Variants in ENTHD1 observed in about 807,000 individuals in gnomAD.
ENTHD1 encodes the protein ENTH domain-containing protein 1.
In ENTHD1, 23 loss-of-function variants were observed where a neutral mutation model predicts 39.1. The observed-to-expected ratio is 0.59, with a 90% CI of 0.42 to 0.83. The LOEUF (loss-of-function observed/expected upper bound fraction) is 0.83. ENTHD1 is among the 40% of genes least tolerant of loss of function. The pLI is 0.00. For synonymous variants in ENTHD1, 230 were observed against 258.2 expected (o/e 0.89, Z 1.05); for missense variants, 624 against 705.4 (o/e 0.88, Z 1.31).
At chr22:39,862,928 C>T (rs1269540369) in intron 2 of ENTHD1, among the ~76,000 whole-genome samples, 1 of 152,168 alleles carries the variant, frequency 6.6e-6, no homozygotes, top group Non-Finnish European at 1.5e-5. Context: ...AGGCTTCCCA[C>T]AGCATTTGTC....
intron 4 of ENTHD1, among the ~76,000 whole-genome samples, chr22:39,833,022 G>A (rs1164133383): frequency 2.6e-5 from 4 of 152,118 alleles, no homozygotes; most frequent in Non-Finnish European, 2.9e-5. Context: ...GGGCGACTGG[G>A]GTAGGCTTGG....
chr22:39,778,438 C>T (rs988614349), intron 5 of ENTHD1, among the ~76,000 whole-genome samples: 1 of 152,170 alleles, frequency 6.6e-6, no homozygotes, highest in African/African-American at 2.4e-5. Context: ...ATACAGACCA[C>T]TAATACACTT....
At chr22:39,839,112 T>A (rs952112921) in intron 3 of ENTHD1, among the ~76,000 whole-genome samples, 3 of 152,104 alleles carry the variant, frequency 2.0e-5, no homozygotes, top group Non-Finnish European at 4.4e-5. Flanking sequence ...TTTATACTTA[T>A]AAAACTTCAT....
Position 39,821,030 on chromosome 22 carries a change from C to G in ENTHD1, c.795G>C (p.Leu265Phe), listed in dbSNP as rs759198692. Residue 265 changes from leucine to phenylalanine, a missense_variant, in exon 5 of 7, where the codon TTG (leucine) becomes TTC (phenylalanine). Coordinates refer to ENST00000325157, the MANE Select transcript of ENTHD1 (RefSeq NM_152512.4). ...GATTACAAACTTCTTCTGCTTCTGACAAGCAAGTGATTGGAGAGACAATGG... is the reference window on the plus strand; with the variant it reads ...GATTACAAACTTCTTCTGCTTCTGAGAAGCAAGTGATTGGAGAGACAATGG... ...PPSIVSPITC[L>F]SEAEEVCNLS... 1.9e-6 allele frequency: 3 copies of G among 1,614,036 alleles called. No individual in the cohort carries two copies. Among genetic ancestry groups the G allele is most frequent in the Non-Finnish European group, 2.5e-6 (3 of 1,179,956 alleles).
intron 5 of ENTHD1, among the ~76,000 whole-genome samples, chr22:39,775,754 C>G (rs1222259440): frequency 6.6e-6 from 1 of 152,172 alleles, no homozygotes; most frequent in African/African-American, 2.4e-5. Flanking sequence ...GCCTCTGTAT[C>G]TGTGCTGCTT....
intron 5 of ENTHD1, among the ~76,000 whole-genome samples, chr22:39,781,484 T>C (rs552843755): frequency 1.3e-5 from 2 of 151,916 alleles, no homozygotes; most frequent in Non-Finnish European, 2.9e-5. Flanking sequence ...ATACAACATA[T>C]GAAAATCTAT....
chr22:39,815,344 G>A (rs1033930708), intron 5 of ENTHD1, among the ~76,000 whole-genome samples: 20 of 151,978 alleles, frequency 1.3e-4, no homozygotes, highest in Non-Finnish European at 2.9e-4. Flanking sequence ...TTGGGAGGCT[G>A]AGGCAGGAGA....
intron 4 of ENTHD1, among the ~76,000 whole-genome samples, chr22:39,828,912 G>T (rs566202594): frequency 2.0e-4 from 31 of 152,206 alleles, no homozygotes; most frequent in Middle Eastern, 6.8e-3. Context: ...ATTCTGTTAT[G>T]AATTTTGTTT....
At chr22:39,833,118 T>C (rs1315576673) in intron 4 of ENTHD1, among the ~76,000 whole-genome samples, 2 of 152,194 alleles carry the variant, frequency 1.3e-5, no homozygotes, top group African/African-American at 4.8e-5. Context: ...CTAAGGCTAC[T>C]TCTTCTTGGG....
At chr22:39,859,385 A>C (rs937976841) in intron 3 of ENTHD1, among the ~76,000 whole-genome samples, 2 of 152,188 alleles carry the variant, frequency 1.3e-5, no homozygotes, top group Non-Finnish European at 2.9e-5. Flanking sequence ...ACTGTTTGGC[A>C]CAAGAGGCCT....
At position 39,855,247 on chromosome 22, in the gene ENTHD1, A is replaced by T. The variant is rs75149048; in HGVS notation, c.592+6518T>A. On this transcript the variant is annotated intron_variant, in intron 3 of 6. Coordinates refer to ENST00000325157, the MANE Select transcript of ENTHD1 (RefSeq NM_152512.4). ...ACATTCCTTCTGTTCTCCAAGGCCT[A>T]CAATGGTTCCTAGTTGCTACTCATA... Among the ~76,000 whole-genome samples, 831 of 152,322 alleles carry T rather than the reference A, an allele frequency of 5.5e-3. 8 individuals are homozygous for T. Among genetic ancestry groups the T allele is most frequent in the Middle Eastern group, 0.02 (6 of 294 alleles).
intron 5 of ENTHD1, among the ~76,000 whole-genome samples, chr22:39,793,666 C>G (rs1481135069): frequency 6.6e-6 from 1 of 151,604 alleles, no homozygotes; most frequent in Non-Finnish European, 1.5e-5. Flanking sequence ...TAGTTTCATC[C>G]TTCCGCATAT....
chr22:39,771,383 G>T (rs66624048), intron 5 of ENTHD1, among the ~76,000 whole-genome samples: 3 of 152,114 alleles, frequency 2.0e-5, no homozygotes, highest in Non-Finnish European at 4.4e-5. Flanking sequence ...TTGGCTAAAA[G>T]TGGGCTGAAA....
At chr22:39,788,148 A>T (rs1012998255) in intron 5 of ENTHD1, among the ~76,000 whole-genome samples, 1 of 152,230 alleles carries the variant, frequency 6.6e-6, no homozygotes, top group Non-Finnish European at 1.5e-5. Flanking sequence ...TATTTAAGAA[A>T]TATATTTTGT....
intron 5 of ENTHD1, among the ~76,000 whole-genome samples, chr22:39,811,657 G>A (rs1057183643): frequency 6.6e-6 from 1 of 152,162 alleles, no homozygotes; most frequent in South Asian, 2.1e-4. Context: ...CTGGATGTAC[G>A]CAGTAGCATT....
At chr22:39,835,415 A>G (rs2065901460) in intron 4 of ENTHD1, among the ~76,000 whole-genome samples, 1 of 152,154 alleles carries the variant, frequency 6.6e-6, no homozygotes, top group Admixed American at 6.5e-5. Flanking sequence ...CTATACAGAA[A>G]AATTCTAGAG....
intron 1 of ENTHD1, among the ~76,000 whole-genome samples, chr22:39,889,836 CCT>C (rs2066412005): frequency 6.6e-6 from 1 of 152,068 alleles, no homozygotes; most frequent in Non-Finnish European, 1.5e-5. Flanking sequence ...GTGGCTCACA[CCT>C]GTAATCCTAG....
chr22:39,766,938 T>G (rs1372868052), intron 5 of ENTHD1, among the ~76,000 whole-genome samples: 1 of 152,176 alleles, frequency 6.6e-6, no homozygotes, highest in Non-Finnish European at 1.5e-5. Flanking sequence ...CTTTAAAGCT[T>G]GCCCTGACCC....
chr22:39,774,795 A>G (rs1219232018), intron 5 of ENTHD1, among the ~76,000 whole-genome samples: 3 of 152,192 alleles, frequency 2.0e-5, no homozygotes, highest in African/African-American at 4.8e-5. Context: ...GCTCCCTCTC[A>G]GCACTAAGCC....
Sources: gnomAD v4.1 joint callset for allele counts (sites outside exome capture counted in the v4.1 genomes callset) on GRCh38, gnomAD v4.1.1 for gene constraint, MANE v1.5 for transcripts, NCBI Gene and HGNC (gene_info 2026-07-23, HGNC 2026-07-21) for gene names.